The following NPFFR1 variants were observed in gnomAD, a reference collection of about 807,000 sequenced individuals.
NPFFR1 encodes G-protein coupled receptor 147.
NPFFR1 carries 17 observed loss-of-function variants against 12.7 expected under a neutral mutation model. The ratio of observed to expected loss-of-function variants is 1.34; its 90% confidence interval spans 0.92 to 2.01. The LOEUF is 2.01. NPFFR1 is among the 30% of genes most tolerant of loss of function. The pLI, the probability that NPFFR1 is intolerant of heterozygous loss-of-function variation, is 0.00. For synonymous variants in NPFFR1, 296 were observed against 264.5 expected, an observed-to-expected ratio of 1.12 and a Z score of -1.16; for missense variants, 604 against 606.5, an observed-to-expected ratio of 1.00 and a Z score of 0.04.
intron 1 of NPFFR1, among the ~76,000 whole-genome samples, chr10:70,280,714 GA>G (rs1452239729): frequency 3.9e-5 from 6 of 152,080 alleles, no homozygotes; most frequent in African/African-American, 1.4e-4. Flanking sequence ...TATTATAAAA[GA>G]ATTCTAGGCT....
Position 70,278,820 on chromosome 10 carries a change from C to T in NPFFR1, c.7+4850G>A, listed in dbSNP as rs1014493679. ...GTTTTGGAAATATTATTTAGTAAAA[C>T]GTGCACACTGTGAATAGCTATGTAA... On this transcript the variant is annotated intron_variant, in intron 1 of 3. Transcript: ENST00000277942. Among the ~76,000 whole-genome samples the T allele has an allele frequency of 2.0e-5, 3 of 152,148 alleles. No homozygotes were observed. In the South Asian group the frequency reaches 6.2e-4, roughly 32 times the overall value.
chr10:70,258,262 C>T (rs928894366), intron 3 of NPFFR1, among the ~76,000 whole-genome samples: 1 of 151,784 alleles, frequency 6.6e-6, no homozygotes, highest in Non-Finnish European at 1.5e-5. Flanking sequence ...CATGATCAGA[C>T]CACTGCACTC....
At position 70,255,899 on chromosome 10, in the gene NPFFR1, T is replaced by C; in HGVS notation, c.423-72A>G. Reference sequence around the variant, plus strand: ...CCCTGCGAGGGGACGGTGGGTGGGATGCGGGCACCTGACCTTCATCATCGC... The same window carrying C: ...CCCTGCGAGGGGACGGTGGGTGGGACGCGGGCACCTGACCTTCATCATCGC... On this transcript the variant is annotated intron_variant, in intron 3 of 3. Transcript: ENST00000277942. The surrounding 1 kb of genome is among the most constrained non-coding windows in gnomAD (Gnocchi z 4.2). 1 of 1,469,874 alleles carries C rather than the reference T, an allele frequency of 6.8e-7. No individual in the cohort carries two copies. The highest frequency in any genetic ancestry group is 1.3e-5 in the South Asian group (1 of 75,168). 91.1% of individuals were successfully genotyped at this position (1,469,874 alleles called of 1,614,324 possible).
chr10:70,279,494 C>T (rs1349835509), intron 1 of NPFFR1, among the ~76,000 whole-genome samples: 1 of 151,944 alleles, frequency 6.6e-6, no homozygotes, highest in African/African-American at 2.4e-5. Flanking sequence ...GAGTCTTGCT[C>T]TGTCGCCCAG....
At position 70,261,262 on chromosome 10, in the gene NPFFR1, C is replaced by T. The variant is rs142447563; in HGVS notation, c.323-523G>A. 3.5e-3 allele frequency among the ~76,000 whole-genome samples: 540 copies of T among 152,228 alleles called. 10 individuals carry two copies. The highest frequency in any genetic ancestry group is 0.025 in the Admixed American group (379 of 15,286). On this transcript the variant is annotated intron_variant, in intron 2 of 3. Coordinates refer to ENST00000277942, the MANE Select transcript of NPFFR1 (RefSeq NM_022146.5). ...TTATATGGGGCTTCTCCCTTCACTC[C>T]GTTCTCATTCTTCTCTCTCCTGCTG...
At position 70,252,579 on chromosome 10, in the gene NPFFR1, C is replaced by T. The variant is rs1317118913; in HGVS notation, c.*2378G>A. 3 of 152,310 alleles carry T rather than the reference C, an allele frequency of 2.0e-5. No homozygotes were observed. The highest frequency in any genetic ancestry group is 1.9e-4 in the East Asian group (1 of 5,188). 9.4% of individuals were successfully genotyped at this position (152,310 alleles called of 1,614,324 possible). On this transcript the variant is annotated 3_prime_UTR_variant, in exon 4 of 4. Transcript: ENST00000277942. ...ACAAAGAAACGAACTCCCCACATAC[C>T]CACAATGTCTCACTGCTTCATTAAA... is the stretch of plus-strand genomic sequence containing the variant.
At chr10:70,269,466 T>C (rs1172695813) in intron 1 of NPFFR1, among the ~76,000 whole-genome samples, 1 of 151,822 alleles carries the variant, frequency 6.6e-6, no homozygotes, top group East Asian at 1.9e-4. Flanking sequence ...GCTTTTAACA[T>C]AATATTTTCA....
At chr10:70,256,090 C>G (rs1429798951) in intron 3 of NPFFR1, among the ~76,000 whole-genome samples, 1 of 129,114 alleles carries the variant, frequency 7.7e-6, no homozygotes, top group East Asian at 2.3e-4. Context: ...TTTTTTTTTC[C>G]TGAGACAGGG....
intron 2 of NPFFR1, among the ~76,000 whole-genome samples, chr10:70,264,593 G>A (rs59741815): frequency 0.091 from 13,864 of 152,028 alleles, 710 homozygotes; most frequent in Middle Eastern, 0.18. Context: ...CTTTTTTACA[G>A]CATACATGGT....
intron 1 of NPFFR1, among the ~76,000 whole-genome samples, chr10:70,283,238 TCA>T (rs139594233): frequency 4.2e-5 from 6 of 141,592 alleles, no homozygotes; most frequent in African/African-American, 7.9e-5. Flanking sequence ...TCTCTCTCTC[TCA>T]CACACACACA....
At chr10:70,259,475 T>C (rs1389489424) in intron 3 of NPFFR1, among the ~76,000 whole-genome samples, 1 of 152,044 alleles carries the variant, frequency 6.6e-6, no homozygotes, top group Non-Finnish European at 1.5e-5. Flanking sequence ...TGGGAGAAGT[T>C]GTACACTCTC....
chr10:70,270,954 T>A (rs10823503), intron 1 of NPFFR1, among the ~76,000 whole-genome samples: 70,395 of 151,954 alleles, frequency 0.46, 16,402 homozygotes, highest in Non-Finnish European at 0.49. Context: ...AGTGTCAGCA[T>A]CACCTGGAAC....
Position 70,254,989 on chromosome 10 carries a change from G to A in NPFFR1, c.1261C>T (p.Leu421=), listed in dbSNP as rs1296811879. The A allele has an allele frequency of 1.4e-6, 2 of 1,444,284 alleles. No individual in the cohort carries two copies. Among genetic ancestry groups the A allele is most frequent in the Non-Finnish European group, 1.8e-6 (2 of 1,105,974 alleles). 89.5% of individuals were successfully genotyped at this position (1,444,284 alleles called of 1,614,324 possible). ...TCCCAGGCTGGAATGGTGAGGGGCA[G>A]GTGGGAGCAGCCAGGCCCTTCCCTG... ...LPREGPGCSH[L]PLTIPAWDI Residue 421 remains leucine, a synonymous_variant, in exon 4 of 4, where the codon CTG becomes TTG. Transcript: ENST00000277942.
Position 70,255,107 on chromosome 10 carries a change from G to T in NPFFR1, c.1143C>A (p.Ser381=), listed in dbSNP as rs60225321. 18 of 1,489,168 alleles carry T rather than the reference G, an allele frequency of 1.2e-5. No individual in the cohort carries two copies. Among genetic ancestry groups the T allele is most frequent in the Non-Finnish European group, 3.6e-6 (4 of 1,123,524 alleles). The allele number at this position is 1,489,168 out of a possible 1,614,324, so 92.2% of individuals were successfully genotyped here. A position where few individuals can be genotyped will look rare whatever the true frequency, so the allele number is the denominator to read the frequency against. ...RVFVVVRPSD[S]GLPSESGPSS... is the part of the protein sequence containing the mutation. The stretch of plus-strand genomic sequence containing the variant: ...TAGGGCCCGACTCAGAGGGCAGCCC[G>T]GAGTCGCTGGGCCGCACCACCACGA... Residue 381 remains serine, a synonymous_variant, in exon 4 of 4, where the codon TCC becomes TCA. Coordinates refer to ENST00000277942, the MANE Select transcript of NPFFR1 (RefSeq NM_022146.5). This position sits in a 1 kb window ranked among gnomAD's most constrained non-coding sequence, Gnocchi z 4.2.
Position 70,258,359 on chromosome 10 carries a change from CT to C in NPFFR1, c.422+2280del, listed in dbSNP as rs1840597823. Among the ~76,000 whole-genome samples, 3 of 151,768 alleles carry C rather than the reference CT, an allele frequency of 2.0e-5. No homozygotes were observed. The South Asian group carries it at 6.2e-4, about 31-fold the overall frequency. On this transcript the variant is annotated intron_variant, in intron 3 of 3. Transcript: ENST00000277942. Reference sequence around the variant, plus strand: ...ACTGTGCAACCAGAGTTGAAAACAGCTGCTGTAGGGGGAGGTAAAAACCTCC... The same window carrying C: ...ACTGTGCAACCAGAGTTGAAAACAGCGCTGTAGGGGGAGGTAAAAACCTCC...
In NPFFR1 at chr10:70,254,439, C is replaced by T. The variant is rs1840541099; in HGVS notation, c.*518G>A. 6.5e-6 allele frequency: 1 copy of T among 152,928 alleles called. No homozygotes were observed. The highest frequency in any genetic ancestry group is 6.5e-5 in the Admixed American group (1 of 15,306). The allele number at this position is 152,928 out of a possible 1,614,324, so 9.5% of individuals were successfully genotyped here. On this transcript the variant is annotated 3_prime_UTR_variant, in exon 4 of 4. Coordinates refer to ENST00000277942, the MANE Select transcript of NPFFR1 (RefSeq NM_022146.5). The stretch of plus-strand genomic sequence containing the variant: ...AGTAACGGAACATGAGGGACTCCCT[C>T]ACATGGACACAAAGCATCAAGGGAC...
intron 2 of NPFFR1, among the ~76,000 whole-genome samples, chr10:70,263,398 G>A (rs530133248): frequency 3.9e-5 from 6 of 151,976 alleles, no homozygotes; most frequent in Non-Finnish European, 5.9e-5. Context: ...TCACCCTCCC[G>A]AGTAGCTGGG....
chr10:70,265,389 G>A (rs1188976965), intron 2 of NPFFR1, among the ~76,000 whole-genome samples: 4 of 152,250 alleles, frequency 2.6e-5, no homozygotes, highest in Non-Finnish European at 5.9e-5. Flanking sequence ...AGTCGCATGA[G>A]AGAGTAGAGA....
chr10:70,264,349 G>T (rs1290273049), intron 2 of NPFFR1, among the ~76,000 whole-genome samples: 8 of 116,182 alleles, frequency 6.9e-5, no homozygotes, highest in Admixed American at 1.2e-4. Flanking sequence ...ATTCCAGCCC[G>T]GGTGACAGTG....
Sources: gnomAD v4.1 joint callset for allele counts (sites outside exome capture counted in the v4.1 genomes callset) on GRCh38, gnomAD v4.1.1 for gene constraint, Gnocchi (gnomAD v3.1) non-coding constraint, MANE v1.5 for transcripts, NCBI Gene and HGNC (gene_info 2026-07-23, HGNC 2026-07-21) for gene names.